HK3: variants seen among roughly 807,000 people sequenced by gnomAD.
The protein encoded by HK3 is hexokinase-3.
Under a neutral mutation model 91.0 loss-of-function variants are expected in HK3, and 93 were observed. That is an observed-to-expected ratio of 1.02 (90% confidence interval 0.86 to 1.21). The LOEUF (loss-of-function observed/expected upper bound fraction) is 1.21. Among genes scored for constraint, HK3 ranks in the 50% most tolerant of loss-of-function variants. The pLI, the probability that HK3 is intolerant of heterozygous loss-of-function variation, is 0.00. For synonymous variants in HK3, 519 were observed against 516.9 expected (o/e 1.00, Z -0.06); for missense variants, 1,235 against 1,247.4 (o/e 0.99, Z 0.15).
Position 176,889,493 on chromosome 5 carries a change from C to T in HK3, c.802G>A (p.Val268Ile), listed in dbSNP as rs779887345. Reference sequence around the variant, plus strand: ...GAGCCCCACTCGACGCTGACGCAGACGCGGCCCCGGTCTTCGTCCAGCACT... The same window carrying T: ...GAGCCCCACTCGACGCTGACGCAGATGCGGCCCCGGTCTTCGTCCAGCACT... ...VAVLDEDRGR[V>I]CVSVEWGSFS... The change falls in exon 8 of 19, where the codon GTC becomes ATC. Residue 268 changes from valine (V) to isoleucine (I), a missense_variant. Around this residue, in one of 3 missense-constraint regions of HK3, gnomAD observed 717 missense variants for 751.6 expected, o/e 0.95. Coordinates refer to ENST00000292432, the MANE Select transcript of HK3 (RefSeq NM_002115.3). 2.2e-5 allele frequency: 36 copies of T among 1,614,078 alleles called. No homozygotes were observed. The highest frequency in any genetic ancestry group is 2.8e-5 in the Non-Finnish European group (33 of 1,180,054).
Position 176,887,760 on chromosome 5 carries a change from C to G in HK3, c.1305-14G>C. The G allele has an allele frequency of 6.3e-7, 1 of 1,589,604 alleles. No individual in the cohort carries two copies. The highest frequency in any genetic ancestry group is 1.1e-5 in the South Asian group (1 of 87,946). On this transcript the variant is annotated splice_polypyrimidine_tract_variant and intron_variant, in intron 10 of 18. Coordinates refer to ENST00000292432, the MANE Select transcript of HK3 (RefSeq NM_002115.3). This position sits in a 1 kb window ranked among gnomAD's most constrained non-coding sequence, Gnocchi z 4.9. ...ACGCTGCAGAACCTACAGATACATA[C>G]AGGTGCACCCGGCTTGGCCCTGGAC...
In HK3 at chr5:176,891,295, T is replaced by A. The variant is rs757781327; in HGVS notation, c.259+93A>T. The A allele has an allele frequency of 1.2e-5, 19 of 1,607,720 alleles. No homozygotes were observed. The South Asian group carries it at 1.9e-4, about 16-fold the overall frequency. On this transcript the variant is annotated intron_variant, in intron 3 of 18. Transcript: ENST00000292432. ...CCTGCAAAGTCTGGTCAAGGGGCCATAGAGATGGGGGACAGGAATAAGGAA... is the reference window on the plus strand; with the variant it reads ...CCTGCAAAGTCTGGTCAAGGGGCCAAAGAGATGGGGGACAGGAATAAGGAA...
chr5:176,885,749 A>G (rs1187455012), intron 13 of HK3, among the ~76,000 whole-genome samples: 4 of 152,032 alleles, frequency 2.6e-5, no homozygotes, highest in African/African-American at 9.7e-5. Context: ...TCAGTTACAG[A>G]AAATTAATAA....
chr5:176,886,785 A>G (rs1160453318), intron 13 of HK3, among the ~76,000 whole-genome samples: 4 of 152,218 alleles, frequency 2.6e-5, no homozygotes, highest in Non-Finnish European at 5.9e-5. Flanking sequence ...GCCCCAGTCT[A>G]GGCCTGACCT....
chr5:176,893,845 C>T (rs1479947013), intron 2 of HK3, among the ~76,000 whole-genome samples: 2 of 152,168 alleles, frequency 1.3e-5, no homozygotes, highest in African/African-American at 4.8e-5. Flanking sequence ...ATCGGAGCCA[C>T]CCCTGACACC....
Position 176,884,236 on chromosome 5 carries a change from C to T in HK3, c.1858-102G>A. 2.1e-6 allele frequency: 2 copies of T among 950,870 alleles called. No homozygotes were observed. The highest frequency in any genetic ancestry group is 1.3e-5 in the South Asian group (1 of 74,084). 58.9% of individuals were successfully genotyped at this position (950,870 alleles called of 1,614,324 possible). A position where few individuals can be genotyped will look rare whatever the true frequency, so the allele number is the denominator to read the frequency against. On this transcript the variant is annotated intron_variant, in intron 13 of 18. Coordinates refer to ENST00000292432, the MANE Select transcript of HK3 (RefSeq NM_002115.3). The surrounding 1 kb of genome is among the most constrained non-coding windows in gnomAD (Gnocchi z 4.1). ...CCATCACAAGCCTAGGCTTTCCACC[C>T]TCCCCAAGCACAATTCCTTGCCTAC...
rs149969488 is a variant in HK3 at position 176,888,797 on chromosome 5, G to A, written c.982C>T (p.Arg328Trp). 4.3e-5 allele frequency: 69 copies of A among 1,614,064 alleles called. No homozygotes were observed. Among genetic ancestry groups the A allele is most frequent in the African/African-American group, 1.7e-4 (13 of 75,014 alleles). The change falls in exon 9 of 19, where the codon CGG (arginine) becomes TGG (tryptophan). Residue 328 changes from arginine to tryptophan, a missense_variant. By Grantham distance (101) the Arg-to-Trp change is moderately radical. Coordinates refer to ENST00000292432, the MANE Select transcript of HK3 (RefSeq NM_002115.3). ...CAGCCACCAAAGAGGACCCCACACC[G>A]GGCCAAGTGAGCCAGCACCAGCCGC... ...LVRLVLAHLA[R>W]CGVLFGGCTS...
rs758241420 is a variant in HK3 at position 176,891,115 on chromosome 5, G to A, written c.336C>T (p.Gly112=). ...SLRVLWVTLT[G]IEGHRVEPRS... ...TGGGCTCCACCCTATGCCCCTCAAT[G>A]CCAGTTAGAGTCACCCACAAAACAC... is the stretch of plus-strand genomic sequence containing the variant. The change falls in exon 4 of 19, where the codon GGC becomes GGT. Residue 112 remains glycine (G), a synonymous_variant. Coordinates refer to ENST00000292432, the MANE Select transcript of HK3 (RefSeq NM_002115.3). The A allele has an allele frequency of 1.2e-6, 2 of 1,614,122 alleles. No individual in the cohort carries two copies. Among genetic ancestry groups the A allele is most frequent in the East Asian group, 2.2e-5 (1 of 44,878 alleles).
At chr5:176,885,774 C>G (rs1758570084) in intron 13 of HK3, among the ~76,000 whole-genome samples, 1 of 151,546 alleles carries the variant, frequency 6.6e-6, no homozygotes, top group Admixed American at 6.6e-5. Flanking sequence ...ATATTTCTTG[C>G]CCCCACCCCG....
At position 176,890,922 on chromosome 5, in the gene HK3, T is replaced by C. The variant is rs1758749717; in HGVS notation, c.434A>G (p.His145Arg). ...CGCATCCAGGAACTCAGACAGGCAG[T>C]GGGCAGCAAAGTCAAAGAGCTGCAG... The part of the protein sequence containing the change: ...AGQQLFDFAA[H>R]CLSEFLDAQP... The change falls in exon 5 of 19, where the codon CAC (histidine) becomes CGC (arginine). Residue 145 changes from histidine to arginine, a missense_variant. Physicochemically the swap from His to Arg is conservative, Grantham distance 29. This residue lies in a region of HK3 where 717 missense variants were observed against 751.6 expected (regional missense o/e 0.95). Transcript: ENST00000292432. The C allele has an allele frequency of 1.2e-6, 2 of 1,613,880 alleles. No individual in the cohort carries two copies. The highest frequency in any genetic ancestry group is 1.1e-5 in the South Asian group (1 of 91,078).
chr5:176,882,785 T>A (rs1758477123), intron 15 of HK3, among the ~76,000 whole-genome samples: 2 of 152,158 alleles, frequency 1.3e-5, no homozygotes, highest in Non-Finnish European at 2.9e-5. Flanking sequence ...GGCGTCTCCT[T>A]CCTTTCTCTG....
Position 176,891,497 on chromosome 5 carries a change from G to C in HK3, c.150C>G (p.Ile50Met), listed in dbSNP as rs1157468395. Residue 50 changes from isoleucine to methionine, a missense_variant, in exon 3 of 19, where the codon ATC becomes ATG. This residue lies in a region of HK3 where 717 missense variants were observed against 751.6 expected (regional missense o/e 0.95). Transcript: ENST00000292432. Reference protein sequence around the residue: ...FKVTRAQLQQIQASLLGSMEQ... With the variant: ...FKVTRAQLQQMQASLLGSMEQ... Reference sequence around the variant, plus strand: ...CCATGGAACCCAAGAGGCTGGCTTGGATCTGCTGTAGCTGTGCCCTTGTCA... The same window carrying C: ...CCATGGAACCCAAGAGGCTGGCTTGCATCTGCTGTAGCTGTGCCCTTGTCA... 2 of 1,614,094 alleles carry C rather than the reference G, an allele frequency of 1.2e-6. No homozygotes were observed. The highest frequency in any genetic ancestry group is 2.7e-5 in the African/African-American group (2 of 74,948).
intron 8 of HK3, among the ~76,000 whole-genome samples, chr5:176,889,093 A>G (rs1333312589): frequency 1.3e-5 from 2 of 152,218 alleles, no homozygotes; most frequent in Admixed American, 1.3e-4. Flanking sequence ...GAAGGACCCA[A>G]AGGAAGGCAG....
chr5:176,896,648 C>G (rs1758916419), intron 1 of HK3, among the ~76,000 whole-genome samples: 1 of 152,122 alleles, frequency 6.6e-6, no homozygotes, highest in Admixed American at 6.5e-5. Flanking sequence ...AAAGAGGGAA[C>G]CAAAGACCTG....
chr5:176,889,229 G>T, intron 8 of HK3, 152 bp downstream of exon 8: 1 of 851,264 alleles, frequency 1.2e-6, no homozygotes, highest in Non-Finnish European at 1.8e-6. Flanking sequence ...TTCCTTCTTT[G>T]AACCTGGCCA....
intron 2 of HK3, among the ~76,000 whole-genome samples, chr5:176,891,998 C>G (rs902182061): frequency 3.3e-5 from 5 of 152,202 alleles, no homozygotes; most frequent in East Asian, 1.9e-4. Flanking sequence ...GACTCTGAAG[C>G]CTGAAAAAGC....
At chr5:176,882,555 CGAG>C (rs1400493304) in intron 15 of HK3, among the ~76,000 whole-genome samples, 2 of 152,176 alleles carry the variant, frequency 1.3e-5, no homozygotes, top group Admixed American at 1.3e-4. Context: ...AAATCAGAGA[CGAG>C]GAGCCCCACA....
Position 176,881,419 on chromosome 5 carries a change from G to A in HK3, c.2510C>T (p.Ala837Val), listed in dbSNP as rs772043920. ...EVCQAVSQRA[A>V]QLCGAGVAAV... The stretch of plus-strand genomic sequence containing the variant: ...AGCTACACCCGCCCCACAGAGCTGG[G>A]CAGCCCTCTGGGACACAGCCTGGCA... The change falls in exon 18 of 19, where the codon GCC becomes GTC. Residue 837 changes from alanine (A) to valine (V), a missense_variant. This residue lies in a region of HK3 where 513 missense variants were observed against 477.4 expected (regional missense o/e 1.07). Transcript: ENST00000292432. 6 of 1,612,614 alleles carry A rather than the reference G, an allele frequency of 3.7e-6. No individual in the cohort carries two copies. In the Admixed American group the frequency reaches 1.0e-4, roughly 27 times the overall value.
intron 1 of HK3, 37 bp downstream of exon 1, chr5:176,899,230 T>C (rs11135005): frequency 0.47 from 72,014 of 151,982 alleles, 17,626 homozygotes; most frequent in Admixed American, 0.58. Context: ...AAGACAGCTG[T>C]GGAAGGAGCA....
Sources: gnomAD v4.1 joint callset for allele counts (sites outside exome capture counted in the v4.1 genomes callset) on GRCh38, gnomAD v4.1.1 for gene constraint, gnomAD v4.1.1 regional missense constraint, Gnocchi (gnomAD v3.1) non-coding constraint, MANE v1.5 for transcripts, NCBI Gene and HGNC (gene_info 2026-07-23, HGNC 2026-07-21) for gene names.